EYA2: variants seen among roughly 807,000 people sequenced by gnomAD.
EYA2 encodes EYA transcriptional coactivator and phosphatase 2, also known as protein phosphatase EYA2.
A neutral mutation model predicts 69.2 loss-of-function variants in EYA2; 31 were observed. The ratio of observed to expected loss-of-function variants is 0.45; its 90% CI spans 0.34 to 0.60. The LOEUF (loss-of-function observed/expected upper bound fraction) is 0.60, where lower values mean the gene tolerates loss of function less well. Among genes scored for constraint, EYA2 ranks in the 20% least tolerant of loss-of-function variants. The pLI is 0.02. For missense variants in EYA2, 622 were observed against 701.2 expected, an observed-to-expected ratio of 0.89 and a Z score of 1.28; for synonymous variants, 257 against 279.4, an observed-to-expected ratio of 0.92 and a Z score of 0.80.
In EYA2 at chr20:47,072,240, G is replaced by C; in HGVS notation, c.471G>C (p.Gly157=). 6.2e-7 allele frequency: 1 copy of C among 1,612,030 alleles called. No homozygotes were observed. The change falls in exon 6 of 16, where the codon GGG becomes GGC. Residue 157 remains glycine (G), a synonymous_variant. Coordinates refer to ENST00000327619, the MANE Select transcript of EYA2 (RefSeq NM_005244.5). ...GNGLGNAAGF[G]SVHQDYPSYP... is the part of the protein sequence containing the mutation. ...GACTGGGCAACGCAGCCGGTTTCGG[G>C]AGTGTGCACCAGGTAGACATGGCTC... is the stretch of plus-strand genomic sequence containing the variant.
At chr20:47,030,791 T>C (rs981925526) in intron 5 of EYA2, among the ~76,000 whole-genome samples, 1 of 152,138 alleles carries the variant, frequency 6.6e-6, no homozygotes, top group Middle Eastern at 3.2e-3. Context: ...AGGGTCTTGC[T>C]CTATAGCCCA....
chr20:47,184,520 C>T (rs1426229856), intron 15 of EYA2, among the ~76,000 whole-genome samples: 2 of 150,344 alleles, frequency 1.3e-5, no homozygotes, highest in Admixed American at 6.7e-5. Flanking sequence ...TGGACTCAAG[C>T]GATCTTCCCA....
At chr20:46,989,415 G>A (rs998553975) in intron 1 of EYA2, among the ~76,000 whole-genome samples, 6 of 152,120 alleles carry the variant, frequency 3.9e-5, no homozygotes, top group African/African-American at 1.2e-4. Flanking sequence ...ACAGGCATAC[G>A]CCACCACGCC....
intron 14 of EYA2, 115 bp from the exon 15 acceptor site, chr20:47,183,176 G>C: frequency 1.1e-6 from 1 of 880,838 alleles, no homozygotes. Flanking sequence ...ACGAAATGAT[G>C]AATACCGGGC....
chr20:47,111,119 G>T (rs6094594), intron 9 of EYA2, among the ~76,000 whole-genome samples: 1 of 152,206 alleles, frequency 6.6e-6, no homozygotes, highest in African/African-American at 2.4e-5. Context: ...AATGACAGGT[G>T]CAGTTGGTCC....
At chr20:47,098,822 G>A (rs1303620171) in intron 9 of EYA2, among the ~76,000 whole-genome samples, 2 of 152,188 alleles carry the variant, frequency 1.3e-5, no homozygotes, top group East Asian at 3.8e-4. Flanking sequence ...AATCTTCAGT[G>A]GCTTCCCCAT....
intron 5 of EYA2, among the ~76,000 whole-genome samples, chr20:47,041,200 C>T (rs1985046278): frequency 6.6e-6 from 1 of 152,160 alleles, no homozygotes; most frequent in Non-Finnish European, 1.5e-5. Flanking sequence ...TTTAAAGAAC[C>T]CTCTGATCCT....
chr20:46,921,716 A>C (rs1985188202), intron 1 of EYA2, among the ~76,000 whole-genome samples: 1 of 152,240 alleles, frequency 6.6e-6, no homozygotes, highest in Non-Finnish European at 1.5e-5. Flanking sequence ...ACTAAAGGCA[A>C]CTCAAAGGAA....
In EYA2 at chr20:46,948,701, A is replaced by G. The variant is rs1978622302; in HGVS notation, c.-10-41300A>G. On this transcript the variant is annotated intron_variant, in intron 1 of 15. Transcript: ENST00000327619. ...CGTAAGGTTGCCTGGAAAAAAACAA[A>G]ATAAAATAAAGCTGCACACATTATT... 5.3e-5 allele frequency among the ~76,000 whole-genome samples: 8 copies of G among 152,206 alleles called. No individual in the cohort carries two copies. The South Asian group carries it at 1.7e-3, about 32-fold the overall frequency.
intron 1 of EYA2, among the ~76,000 whole-genome samples, chr20:46,921,993 A>T (rs773353874): frequency 2.0e-5 from 3 of 152,254 alleles, no homozygotes; most frequent in Non-Finnish European, 4.4e-5. Flanking sequence ...AAGTGTTTTC[A>T]TAGCAATCAG....
rs113828784 is a variant in EYA2 at position 47,143,309 on chromosome 20, A to G, written c.978+161A>G. Among the ~76,000 whole-genome samples the G allele has an allele frequency of 1.9e-3, 293 of 152,200 alleles. 2 individuals are homozygous for G. The highest frequency in any genetic ancestry group is 6.8e-3 in the African/African-American group (283 of 41,508). On this transcript the variant is annotated intron_variant, in intron 10 of 15. Coordinates refer to ENST00000327619, the MANE Select transcript of EYA2 (RefSeq NM_005244.5). ...TTGCTAACAACCCCCAAAAAGGCCC[A>G]AAACTGTGGCCGGTGATGGTTTATT... is the stretch of plus-strand genomic sequence containing the variant.
intron 10 of EYA2, among the ~76,000 whole-genome samples, chr20:47,157,041 A>G (rs1270527520): frequency 2.6e-5 from 4 of 152,030 alleles, no homozygotes; most frequent in Non-Finnish European, 1.5e-5. Context: ...TTTACTGATC[A>G]GCAACGTGCA....
At chr20:47,177,494 G>A (rs771561915) in intron 12 of EYA2, among the ~76,000 whole-genome samples, 9 of 152,178 alleles carry the variant, frequency 5.9e-5, no homozygotes, top group Non-Finnish European at 1.0e-4. Flanking sequence ...ATGGATAGTG[G>A]ATGGCAACTA....
chr20:46,916,087 C>T (rs1000282863), intron 1 of EYA2, among the ~76,000 whole-genome samples: 3 of 152,266 alleles, frequency 2.0e-5, no homozygotes, highest in Middle Eastern at 3.4e-3. Context: ...AAAGAGAATA[C>T]GTCAGTGTTG....
intron 3 of EYA2, among the ~76,000 whole-genome samples, chr20:47,004,377 T>G (rs1982561261): frequency 6.6e-6 from 1 of 152,218 alleles, no homozygotes; most frequent in Admixed American, 6.5e-5. Context: ...CTGTTAAAGC[T>G]GCAGTCAATT....
At chr20:46,995,753 C>A (rs1981978227) in intron 2 of EYA2, among the ~76,000 whole-genome samples, 1 of 152,180 alleles carries the variant, frequency 6.6e-6, no homozygotes, top group Admixed American at 6.5e-5. Context: ...CTTCTTAATC[C>A]TCCCAGTGAG....
chr20:47,073,493 G>C (rs34596633), intron 6 of EYA2, among the ~76,000 whole-genome samples: 1 of 148,220 alleles, frequency 6.7e-6, no homozygotes, highest in African/African-American at 2.5e-5. Flanking sequence ...TGTGTGTGTC[G>C]TGGGGGGGGG....
In EYA2 at chr20:47,101,925, C is replaced by A. The variant is rs8115107; in HGVS notation, c.888+4757C>A. ...CACAGTTCTTTCTCTCTGTACTTCC[C>A]CAGCACTGCAGCCATGTGAAACTTG... On this transcript the variant is annotated intron_variant, in intron 9 of 15. Transcript: ENST00000327619. 2.0e-3 allele frequency among the ~76,000 whole-genome samples: 308 copies of A among 152,328 alleles called. 1 individual carries two copies. Among genetic ancestry groups the A allele is most frequent in the African/African-American group, 7.1e-3 (294 of 41,574 alleles).
rs569240912 is a variant in EYA2 at position 46,966,792 on chromosome 20, G to A, written c.-10-23209G>A. ...ATTGTGCCACTGCACTCCAGCCTGGGCGACAGAGCGAGACTCCATCTCAAA... is the reference window on the plus strand; with the variant it reads ...ATTGTGCCACTGCACTCCAGCCTGGACGACAGAGCGAGACTCCATCTCAAA... On this transcript the variant is annotated intron_variant, in intron 1 of 15. Coordinates refer to ENST00000327619, the MANE Select transcript of EYA2 (RefSeq NM_005244.5). Among the ~76,000 whole-genome samples the A allele has an allele frequency of 1.1e-4, 17 of 148,928 alleles. No homozygotes were observed. The South Asian group carries it at 3.8e-3, about 33-fold the overall frequency.
Sources: gnomAD v4.1 joint callset for allele counts (sites outside exome capture counted in the v4.1 genomes callset) on GRCh38, gnomAD v4.1.1 for gene constraint, MANE v1.5 for transcripts, NCBI Gene and HGNC (gene_info 2026-07-23, HGNC 2026-07-21) for gene names.